Variants in KCND2 observed in about 807,000 individuals in gnomAD.
KCND2 encodes potassium voltage-gated channel subfamily D member 2.
Under a neutral mutation model 54.4 loss-of-function variants are expected in KCND2, and 16 were observed. The observed-to-expected ratio is 0.29, with a 90% CI of 0.20 to 0.45. KCND2 has a LOEUF of 0.45. Among genes scored for constraint, KCND2 ranks in the 20% least tolerant of loss-of-function variants. The probability of loss-of-function intolerance (pLI) is 1.00; values close to 1 mark genes in which losing one functional copy is unlikely to be tolerated. For missense variants in KCND2, 486 were observed against 824.2 expected (o/e 0.59, Z 5.02); for synonymous variants, 317 against 310.7 (o/e 1.02, Z -0.21).
chr7:120,309,123 A>G (rs1486351612), intron 1 of KCND2, among the ~76,000 whole-genome samples: 1 of 152,096 alleles, frequency 6.6e-6, no homozygotes, highest in Non-Finnish European at 1.5e-5. Context: ...ATAAGTGGAG[A>G]TATTTGGTAT....
intron 1 of KCND2, among the ~76,000 whole-genome samples, chr7:120,704,876 A>G (rs532242049): frequency 6.6e-6 from 1 of 152,286 alleles, no homozygotes; most frequent in South Asian, 2.1e-4. Context: ...CATAGCAGGT[A>G]TTTGATAAAT....
intron 1 of KCND2, among the ~76,000 whole-genome samples, chr7:120,571,692 C>A (rs556169550): frequency 6.6e-6 from 1 of 152,286 alleles, no homozygotes; most frequent in East Asian, 1.9e-4. Flanking sequence ...CTTAATGAAG[C>A]ATCTTCCACA....
intron 1 of KCND2, among the ~76,000 whole-genome samples, chr7:120,320,603 G>A (rs1003474182): frequency 6.6e-6 from 1 of 152,142 alleles, no homozygotes; most frequent in Non-Finnish European, 1.5e-5. Flanking sequence ...CTGCACTTTG[G>A]AAAATTGATT....
At chr7:120,551,785 T>C (rs1792107780) in intron 1 of KCND2, among the ~76,000 whole-genome samples, 3 of 152,202 alleles carry the variant, frequency 2.0e-5, no homozygotes, top group Admixed American at 2.0e-4. Context: ...TAGTCATTCA[T>C]CCATCTAATA....
chr7:120,636,212 G>A (rs1016261454), intron 1 of KCND2, among the ~76,000 whole-genome samples: 1 of 152,036 alleles, frequency 6.6e-6, no homozygotes, highest in Non-Finnish European at 1.5e-5. Flanking sequence ...GACATATAAT[G>A]ATGACCTAAA....
chr7:120,305,357 T>C (rs1799637629), intron 1 of KCND2, among the ~76,000 whole-genome samples: 1 of 152,106 alleles, frequency 6.6e-6, no homozygotes, highest in African/African-American at 2.4e-5. Context: ...ACCTGAAGTC[T>C]CCATGAAGAG....
rs558567860 is a variant in KCND2 at position 120,384,496 on chromosome 7, A to G, written c.1115+108749A>G. Among the ~76,000 whole-genome samples the G allele has an allele frequency of 2.0e-5, 3 of 152,228 alleles. No individual in the cohort carries two copies. In the East Asian group the frequency reaches 5.8e-4, roughly 29 times the overall value. On this transcript the variant is annotated intron_variant, in intron 1 of 5. Coordinates refer to ENST00000331113, the MANE Select transcript of KCND2 (RefSeq NM_012281.3). ...CATCTTAAGCTCCTACCCCTGAATA[A>G]TATGTTCTGTAGTGTTAACTTGAGT... is the stretch of plus-strand genomic sequence containing the variant.
chr7:120,472,518 AAGT>A (rs1802473050), intron 1 of KCND2, among the ~76,000 whole-genome samples: 1 of 152,010 alleles, frequency 6.6e-6, no homozygotes, highest in Admixed American at 6.6e-5. Flanking sequence ...AGTTCTTATA[AAGT>A]AGTGTTAATA....
intron 1 of KCND2, among the ~76,000 whole-genome samples, chr7:120,331,589 A>G (rs886816601): frequency 2.6e-5 from 4 of 152,092 alleles, no homozygotes; most frequent in Non-Finnish European, 4.4e-5. Flanking sequence ...GGCATATACC[A>G]TATTAGCAGA....
chr7:120,447,354 G>GA (rs1167825585), intron 1 of KCND2, among the ~76,000 whole-genome samples: 78 of 123,134 alleles, frequency 6.3e-4, no homozygotes, highest in East Asian at 1.6e-3. Flanking sequence ...GTACCCTGGT[G>GA]AAAAAAAAAA....
At chr7:120,453,314 A>G (rs1802143518) in intron 1 of KCND2, among the ~76,000 whole-genome samples, 1 of 152,188 alleles carries the variant, frequency 6.6e-6, no homozygotes, top group Non-Finnish European at 1.5e-5. Context: ...CATTGTTGGC[A>G]GGAGCACACA....
intron 1 of KCND2, among the ~76,000 whole-genome samples, chr7:120,584,570 CA>C (rs1203589626): frequency 6.6e-6 from 1 of 152,226 alleles, no homozygotes. Flanking sequence ...TAAAGGGGCT[CA>C]TTTAGGAATT....
At chr7:120,366,095 T>C (rs1258075972) in intron 1 of KCND2, among the ~76,000 whole-genome samples, 3 of 152,080 alleles carry the variant, frequency 2.0e-5, no homozygotes, top group African/African-American at 7.2e-5. Context: ...CAGAGTCCCA[T>C]GAAAAGTAAG....
At chr7:120,433,747 A>G (rs1035656531) in intron 1 of KCND2, among the ~76,000 whole-genome samples, 3 of 152,258 alleles carry the variant, frequency 2.0e-5, no homozygotes, top group Admixed American at 1.3e-4. Flanking sequence ...GAGCATTAAA[A>G]TCATGAACAA....
At chr7:120,701,382 AG>A (rs1792400932) in intron 1 of KCND2, among the ~76,000 whole-genome samples, 1 of 151,844 alleles carries the variant, frequency 6.6e-6, no homozygotes, top group African/African-American at 2.4e-5. Flanking sequence ...CCTGCCTGAT[AG>A]GGAGACTGGA....
At chr7:120,410,609 C>G (rs1801435564) in intron 1 of KCND2, among the ~76,000 whole-genome samples, 1 of 151,892 alleles carries the variant, frequency 6.6e-6, no homozygotes, top group South Asian at 2.1e-4. Context: ...AGGTTTGTTA[C>G]ATATGTATAC....
At chr7:120,347,407 C>T (rs1800336066) in intron 1 of KCND2, among the ~76,000 whole-genome samples, 1 of 152,122 alleles carries the variant, frequency 6.6e-6, no homozygotes, top group Non-Finnish European at 1.5e-5. Flanking sequence ...CTAAATAGAA[C>T]TGCATTAAGG....
intron 1 of KCND2, among the ~76,000 whole-genome samples, chr7:120,443,321 T>G (rs1009635599): frequency 6.6e-6 from 1 of 150,750 alleles, no homozygotes; most frequent in Admixed American, 6.6e-5. Context: ...AAGGTTTCAC[T>G]GGATAACAAT....
chr7:120,556,307 G>C (rs1792163215), intron 1 of KCND2, among the ~76,000 whole-genome samples: 1 of 152,148 alleles, frequency 6.6e-6, no homozygotes, highest in Non-Finnish European at 1.5e-5. Context: ...TTTGTATTAA[G>C]TGTTGGCCTG....
Sources: gnomAD v4.1 joint callset for allele counts (sites outside exome capture counted in the v4.1 genomes callset) on GRCh38, gnomAD v4.1.1 for gene constraint, MANE v1.5 for transcripts, NCBI Gene and HGNC (gene_info 2026-07-23, HGNC 2026-07-21) for gene names.